The following TMEM51 variants were observed in gnomAD, a reference collection of about 807,000 sequenced individuals.
TMEM51 encodes the protein chromosome 1 open reading frame 72.
In TMEM51, 8 loss-of-function variants were observed where a neutral mutation model predicts 13.6. The observed-to-expected ratio is 0.59, with a 90% CI of 0.35 to 1.07. TMEM51 has a LOEUF of 1.07. TMEM51 is among the 50% of genes least tolerant of loss of function. The probability of loss-of-function intolerance (pLI) is 0.02; values close to 1 mark genes in which losing one functional copy is unlikely to be tolerated. For synonymous variants in TMEM51, 147 were observed against 144.4 expected, an observed-to-expected ratio of 1.02 and a Z score of -0.13; for missense variants, 279 against 330.7, an observed-to-expected ratio of 0.84 and a Z score of 1.21.
chr1:15,188,949 C>T (rs1643864805), intron 1 of TMEM51, among the ~76,000 whole-genome samples: 1 of 152,200 alleles, frequency 6.6e-6, no homozygotes, highest in Admixed American at 6.5e-5. Flanking sequence ...TTTGCTCCTG[C>T]CTCTCCAGGG....
At chr1:15,160,011 T>G (rs1243432858) in intron 1 of TMEM51, among the ~76,000 whole-genome samples, 1 of 152,166 alleles carries the variant, frequency 6.6e-6, no homozygotes, top group African/African-American at 2.4e-5. Context: ...TGGACTCACA[T>G]GATGTGCAGT....
intron 3 of TMEM51, among the ~76,000 whole-genome samples, chr1:15,216,517 A>C (rs2100363512): frequency 6.6e-6 from 1 of 152,244 alleles, no homozygotes; most frequent in African/African-American, 2.4e-5. Context: ...AGTTGTAGGG[A>C]AGATGGATTG....
chr1:15,197,741 C>A lies in TMEM51; in HGVS notation c.-266-12749C>A, dbSNP rs74053438. On this transcript the variant is annotated intron_variant, in intron 1 of 3. Transcript: ENST00000376008. ...CCGAGGCTCTCAGTGGTGGAAGGAGCAGCTAGTGAAGCAGATGCACACCAG... is the reference window on the plus strand; with the variant it reads ...CCGAGGCTCTCAGTGGTGGAAGGAGAAGCTAGTGAAGCAGATGCACACCAG... Among the ~76,000 whole-genome samples the A allele has an allele frequency of 2.0e-3, 303 of 152,202 alleles. 3 individuals carry two copies. The highest frequency in any genetic ancestry group is 7.0e-3 in the African/African-American group (292 of 41,542).
chr1:15,211,555 T>G (rs987013309), intron 2 of TMEM51, among the ~76,000 whole-genome samples: 1 of 152,054 alleles, frequency 6.6e-6, no homozygotes, highest in African/African-American at 2.4e-5. Flanking sequence ...TACTAGAGAG[T>G]TTTTGTCTCC....
At chr1:15,192,223 T>C in intron 1 of TMEM51, 1 of 382,782 alleles carries the variant, frequency 2.6e-6, no homozygotes, top group Non-Finnish European at 5.2e-6. Flanking sequence ...TCTTTCTAAA[T>C]CCAGAAAATC....
At chr1:15,195,747 G>A (rs899265544) in intron 1 of TMEM51, among the ~76,000 whole-genome samples, 4 of 152,138 alleles carry the variant, frequency 2.6e-5, no homozygotes, top group African/African-American at 9.7e-5. Context: ...ACACCTAGTG[G>A]GTACTGAGCC....
chr1:15,179,492 C>T (rs1643546642), intron 1 of TMEM51, among the ~76,000 whole-genome samples: 1 of 152,162 alleles, frequency 6.6e-6, no homozygotes, highest in Non-Finnish European at 1.5e-5. Flanking sequence ...TTCCACTTCC[C>T]TAAACTTTTG....
In TMEM51 at chr1:15,214,842, G is replaced by A. The variant is rs79333241; in HGVS notation, c.-193-53G>A. ...AGAGCAGAGCCGCCACATTCACAAAGCGTCTGGAATCGGAACTGATCGTCC... is the reference window on the plus strand; with the variant it reads ...AGAGCAGAGCCGCCACATTCACAAAACGTCTGGAATCGGAACTGATCGTCC... On this transcript the variant is annotated intron_variant, in intron 2 of 3. Coordinates refer to ENST00000376008, the MANE Select transcript of TMEM51 (RefSeq NM_001136218.2). 1,174 of 508,444 alleles carry A rather than the reference G, an allele frequency of 2.3e-3. 12 individuals are homozygous for A. Among genetic ancestry groups the A allele is most frequent in the African/African-American group, 0.02 (1,068 of 52,322 alleles). The allele number at this position is 508,444 out of a possible 1,614,324, so 31.5% of individuals were successfully genotyped here.
intron 3 of TMEM51, among the ~76,000 whole-genome samples, chr1:15,218,075 AC>A (rs145652255): frequency 0.14 from 21,127 of 152,202 alleles, 1,789 homozygotes; most frequent in East Asian, 0.3. Context: ...GGCCATGATC[AC>A]CCCACAGGTT....
At chr1:15,188,383 G>A (rs1278611682) in intron 1 of TMEM51, among the ~76,000 whole-genome samples, 1 of 152,222 alleles carries the variant, frequency 6.6e-6, no homozygotes, top group Non-Finnish European at 1.5e-5. Flanking sequence ...GATTGGCTAG[G>A]CCTGACCATG....
At chr1:15,176,681 G>T (rs1643466118) in intron 1 of TMEM51, among the ~76,000 whole-genome samples, 1 of 152,208 alleles carries the variant, frequency 6.6e-6, no homozygotes, top group Admixed American at 6.5e-5. Flanking sequence ...GCCTGGTACA[G>T]GGCCCTGCAC....
At chr1:15,181,372 T>G (rs1240388830) in intron 1 of TMEM51, among the ~76,000 whole-genome samples, 1 of 152,188 alleles carries the variant, frequency 6.6e-6, no homozygotes. Flanking sequence ...CCTTCATGCC[T>G]TTGAGGAAGT....
intron 1 of TMEM51, among the ~76,000 whole-genome samples, chr1:15,180,669 C>A (rs1643588117): frequency 6.6e-6 from 1 of 152,202 alleles, no homozygotes. Flanking sequence ...AGTGACCTAA[C>A]CTCTCTGAGG....
chr1:15,173,806 A>G (rs925504077), intron 1 of TMEM51, among the ~76,000 whole-genome samples: 2 of 152,108 alleles, frequency 1.3e-5, no homozygotes, highest in Non-Finnish European at 2.9e-5. Flanking sequence ...GAACGTTTCT[A>G]TGAATTTCTT....
intron 1 of TMEM51, among the ~76,000 whole-genome samples, chr1:15,181,776 TG>T (rs1294000792): frequency 6.6e-6 from 1 of 152,222 alleles, no homozygotes; most frequent in Non-Finnish European, 1.5e-5. Context: ...CTGTTTTCTT[TG>T]GGTTGAAAAC....
At chr1:15,168,319 T>C (rs369509574) in intron 1 of TMEM51, among the ~76,000 whole-genome samples, 5 of 152,256 alleles carry the variant, frequency 3.3e-5, no homozygotes, top group African/African-American at 1.2e-4. Context: ...GTAGCTTTCA[T>C]CAGATTCTCA....
rs1454168593 is a variant in TMEM51, at chr1:15,214,940, G to A, written c.-148G>A. 58 of 794,632 alleles carry A rather than the reference G, an allele frequency of 7.3e-5. No individual in the cohort carries two copies. The highest frequency in any genetic ancestry group is 9.7e-6 in the Non-Finnish European group (5 of 514,780). The allele number at this position is 794,632 out of a possible 1,614,324, so 49.2% of individuals were successfully genotyped here. A position where few individuals can be genotyped will look rare whatever the true frequency, so the allele number is the denominator to read the frequency against. On this transcript the variant is annotated 5_prime_UTR_variant, in exon 3 of 4. Transcript: ENST00000376008. ...CGCACGGGAGGCCTCGCGATTGCTC[G>A]GAACCATCCCGCAGGAGTTCAGCTG...
Position 15,180,777 on chromosome 1 carries a change from T to C in TMEM51, c.-267+26823T>C, listed in dbSNP as rs192622647. Among the ~76,000 whole-genome samples the C allele has an allele frequency of 7.9e-5, 12 of 152,312 alleles. No individual in the cohort carries two copies. In the East Asian group the frequency reaches 2.3e-3, roughly 29 times the overall value. On this transcript the variant is annotated intron_variant, in intron 1 of 3. Transcript: ENST00000376008. ...ATTTAGCAAATGCTGGCTATTATTATCTAATTTAATCCTTATAATAACCCT... is the reference window on the plus strand; with the variant it reads ...ATTTAGCAAATGCTGGCTATTATTACCTAATTTAATCCTTATAATAACCCT...
rs1255842993 is a variant in TMEM51 at position 15,220,391 on chromosome 1, AAAG to A, written c.*657_*659del. On this transcript the variant is annotated 3_prime_UTR_variant, in exon 4 of 4. Coordinates refer to ENST00000376008, the MANE Select transcript of TMEM51 (RefSeq NM_001136218.2). ...TGTGTAACAGCAAAAAAAAAAAAAA[AAAG>A]AAGAAGAAAGAAAACTGTAGGAAAT... is the stretch of plus-strand genomic sequence containing the variant. 2.0e-5 allele frequency: 3 copies of A among 151,718 alleles called. No individual in the cohort carries two copies. Among genetic ancestry groups the A allele is most frequent in the South Asian group, 4.2e-4 (2 of 4,794 alleles). 9.4% of individuals were successfully genotyped at this position (151,718 alleles called of 1,614,324 possible). A position where few individuals can be genotyped will look rare whatever the true frequency, so the allele number is the denominator to read the frequency against.
Sources: allele counts gnomAD v4.1 joint callset (sites outside exome capture counted in the v4.1 genomes callset), GRCh38; gene constraint gnomAD v4.1.1; transcripts MANE v1.5; gene names NCBI Gene and HGNC (gene_info 2026-07-23, HGNC 2026-07-21).